The following EPHA3 variants were observed in gnomAD, a reference collection of about 807,000 sequenced individuals.
The protein encoded by EPHA3 is EPH receptor A3.
In EPHA3, 42 loss-of-function variants were observed where a neutral mutation model predicts 107.1. The ratio of observed to expected loss-of-function variants is 0.39; its 90% CI spans 0.31 to 0.51. EPHA3 has a LOEUF of 0.51. EPHA3 is among the 20% of genes least tolerant of loss of function. The pLI is 0.78. For synonymous variants in EPHA3, 461 were observed against 424.8 expected (o/e 1.09, Z -1.05); for missense variants, 1,183 against 1,211.2 (o/e 0.98, Z 0.35).
At chr3:89,267,673 G>A (rs1227750304) in intron 3 of EPHA3, among the ~76,000 whole-genome samples, 8 of 151,956 alleles carry the variant, frequency 5.3e-5, no homozygotes, top group Admixed American at 5.3e-4. Context: ...CTTTATGAAG[G>A]CTGTCCTGGT....
intron 10 of EPHA3, among the ~76,000 whole-genome samples, chr3:89,418,083 A>T (rs909486292): frequency 1.3e-5 from 2 of 151,450 alleles, no homozygotes; most frequent in Non-Finnish European, 3.0e-5. Flanking sequence ...TATCACTTCA[A>T]TCTGACTGAC....
intron 5 of EPHA3, among the ~76,000 whole-genome samples, chr3:89,355,691 TGA>T (rs1287561789): frequency 1.3e-5 from 2 of 150,928 alleles, no homozygotes; most frequent in East Asian, 3.9e-4. Flanking sequence ...GTAAATAAAA[TGA>T]GAGAGCATTT....
At chr3:89,148,901 TATAAC>T (rs1017073558) in intron 2 of EPHA3, among the ~76,000 whole-genome samples, 11 of 152,004 alleles carry the variant, frequency 7.2e-5, no homozygotes, top group Non-Finnish European at 1.0e-4. Context: ...ATTATAAACA[TATAAC>T]ATATTATTAT....
intron 2 of EPHA3, among the ~76,000 whole-genome samples, chr3:89,139,300 G>A (rs930873199): frequency 3.3e-5 from 5 of 151,798 alleles, no homozygotes; most frequent in Admixed American, 6.6e-5. Flanking sequence ...ACACTTCATA[G>A]GTTTACTCAA....
intron 6 of EPHA3, among the ~76,000 whole-genome samples, chr3:89,397,160 A>AT (rs1382009422): frequency 2.0e-5 from 3 of 152,088 alleles, no homozygotes; most frequent in South Asian, 2.1e-4. Context: ...GTATAATGTC[A>AT]TTTTTTTCAT....
chr3:89,341,809 T>C lies in EPHA3; in HGVS notation c.1025T>C (p.Ile342Thr), dbSNP rs1405536132. ...TCTAATATAAACGAGACCTCAGTTA[T>C]CCTGGACTGGAGTTGGCCCCTGGAC... Reference protein sequence around the residue: ...VISNINETSVILDWSWPLDTG... With the variant: ...VISNINETSVTLDWSWPLDTG... Residue 342 changes from isoleucine (I) to threonine (T), a missense_variant, in exon 5 of 17, where the codon ATC (isoleucine) becomes ACC (threonine). Transcript: ENST00000336596. The C allele has an allele frequency of 8.1e-6, 13 of 1,613,900 alleles. No homozygotes were observed. Among genetic ancestry groups the C allele is most frequent in the Non-Finnish European group, 1.1e-5 (13 of 1,180,010 alleles).
intron 5 of EPHA3, among the ~76,000 whole-genome samples, chr3:89,345,153 G>A (rs377713397): frequency 5.3e-5 from 8 of 150,900 alleles, no homozygotes; most frequent in South Asian, 4.2e-4. Context: ...AGAATCTGCC[G>A]CTTTCCACTA....
chr3:89,237,716 A>G (rs1047437943), intron 3 of EPHA3, among the ~76,000 whole-genome samples: 10 of 152,170 alleles, frequency 6.6e-5, no homozygotes, highest in African/African-American at 2.4e-4. Context: ...CTATAATTCC[A>G]GCTCTTTTGG....
intron 3 of EPHA3, among the ~76,000 whole-genome samples, chr3:89,329,960 T>A (rs1308460622): frequency 6.6e-6 from 1 of 151,982 alleles, no homozygotes; most frequent in East Asian, 1.9e-4. Flanking sequence ...TTAAATAAGA[T>A]AGAACTCATT....
At chr3:89,344,873 T>TCAAA (rs1553684152) in intron 5 of EPHA3, among the ~76,000 whole-genome samples, 15 of 151,690 alleles carry the variant, frequency 9.9e-5, no homozygotes, top group South Asian at 2.1e-4. Flanking sequence ...AATTCGGATA[T>TCAAA]TAGTTCTCAG....
intron 2 of EPHA3, among the ~76,000 whole-genome samples, chr3:89,205,664 C>T: frequency 6.6e-6 from 1 of 152,114 alleles, no homozygotes; most frequent in Non-Finnish European, 1.5e-5. Context: ...GTATTTTGAG[C>T]TCCTCTTTTG....
chr3:89,330,958 C>T (rs529648717), intron 3 of EPHA3, among the ~76,000 whole-genome samples: 1 of 151,752 alleles, frequency 6.6e-6, no homozygotes, highest in Non-Finnish European at 1.5e-5. Context: ...GGGAAAAAAG[C>T]AAGAAGAAAA....
At chr3:89,398,121 T>G (rs1708886756) in intron 6 of EPHA3, among the ~76,000 whole-genome samples, 1 of 152,312 alleles carries the variant, frequency 6.6e-6, no homozygotes, top group African/African-American at 2.4e-5. Context: ...ATTTCTGGAC[T>G]GGTTATTTCG....
intron 5 of EPHA3, among the ~76,000 whole-genome samples, chr3:89,360,933 C>G (rs922768248): frequency 1.3e-5 from 2 of 150,904 alleles, no homozygotes; most frequent in African/African-American, 4.8e-5. Flanking sequence ...ACACTCACTT[C>G]TCATATGAAC....
chr3:89,130,757 C>A (rs2106985030), intron 2 of EPHA3, among the ~76,000 whole-genome samples: 1 of 152,208 alleles, frequency 6.6e-6, no homozygotes, highest in East Asian at 1.9e-4. Context: ...GCCTCAGCCT[C>A]CCGAGTAGTT....
At chr3:89,179,858 T>C (rs1390854694) in intron 2 of EPHA3, among the ~76,000 whole-genome samples, 1 of 151,922 alleles carries the variant, frequency 6.6e-6, no homozygotes. Flanking sequence ...AAAAACCCTC[T>C]CATGTGTATA....
At chr3:89,362,335 T>C (rs1420814308) in intron 5 of EPHA3, among the ~76,000 whole-genome samples, 2 of 151,098 alleles carry the variant, frequency 1.3e-5, no homozygotes, top group Non-Finnish European at 3.0e-5. Context: ...TGGTGGGAGA[T>C]TAGCCTAGAT....
intron 13 of EPHA3, among the ~76,000 whole-genome samples, chr3:89,441,712 A>G (rs1709789932): frequency 2.0e-5 from 3 of 152,144 alleles, no homozygotes; most frequent in Non-Finnish European, 4.4e-5. Context: ...GGGAAGAGGA[A>G]TTTTTGTGGT....
At chr3:89,158,673 A>G (rs1576192229) in intron 2 of EPHA3, among the ~76,000 whole-genome samples, 1 of 152,080 alleles carries the variant, frequency 6.6e-6, no homozygotes. Flanking sequence ...GCTTTTGTAT[A>G]TCCCGTTGCT....
Sources: gnomAD v4.1 joint callset for allele counts (sites outside exome capture counted in the v4.1 genomes callset) on GRCh38, gnomAD v4.1.1 for gene constraint, MANE v1.5 for transcripts, NCBI Gene and HGNC (gene_info 2026-07-23, HGNC 2026-07-21) for gene names.